PLCB1: variants seen among roughly 807,000 people sequenced by gnomAD.
The protein encoded by PLCB1 is phospholipase C beta 1.
In PLCB1, 46 loss-of-function variants were observed where a neutral mutation model predicts 161.8. The observed-to-expected ratio is 0.28, with a 90% CI of 0.22 to 0.36. The LOEUF (loss-of-function observed/expected upper bound fraction) is 0.36. Ranked by LOEUF, PLCB1 falls within the 10% of genes least tolerant of loss-of-function variation. PLCB1 has a pLI of 1.00. For missense variants in PLCB1, 1,016 were observed against 1,472.5 expected, an observed-to-expected ratio of 0.69 and a Z score of 5.07; for synonymous variants, 517 against 503.7, an observed-to-expected ratio of 1.03 and a Z score of -0.35.
chr20:8,498,271 G>A (rs537542042), intron 3 of PLCB1, among the ~76,000 whole-genome samples: 1 of 152,098 alleles, frequency 6.6e-6, no homozygotes, highest in Admixed American at 6.5e-5. Flanking sequence ...GTAATTTTTT[G>A]TATTTCAGTA....
intron 3 of PLCB1, among the ~76,000 whole-genome samples, chr20:8,481,101 A>G (rs1293868695): frequency 1.3e-5 from 2 of 151,886 alleles, no homozygotes; most frequent in Non-Finnish European, 2.9e-5. Flanking sequence ...GCAAGACTTA[A>G]TCCCCCTACC....
chr20:8,757,833 C>T (rs1226407546), intron 24 of PLCB1, among the ~76,000 whole-genome samples: 1 of 151,334 alleles, frequency 6.6e-6, no homozygotes, highest in Admixed American at 6.6e-5. Context: ...GCCAAAGCCA[C>T]ACTCTTGTCT....
At chr20:8,789,403 G>T (rs1263904825) in intron 29 of PLCB1, 115 bp from the exon 30 acceptor site, 2 of 755,346 alleles carry the variant, frequency 2.6e-6, no homozygotes, top group Non-Finnish European at 4.6e-6. Flanking sequence ...ATAAAAATAA[G>T]GAAAAAAGAA....
intron 3 of PLCB1, among the ~76,000 whole-genome samples, chr20:8,517,913 G>A (rs1014661711): frequency 1.3e-5 from 2 of 152,192 alleles, no homozygotes; most frequent in East Asian, 3.9e-4. Flanking sequence ...GCTAGGCGTG[G>A]TGGCTCACAC....
At chr20:8,619,208 C>A (rs536997319) in intron 3 of PLCB1, among the ~76,000 whole-genome samples, 1 of 152,034 alleles carries the variant, frequency 6.6e-6, no homozygotes. Flanking sequence ...ATCATGAGGT[C>A]AGGAGTTTGA....
At chr20:8,202,924 T>C (rs1978333303) in intron 2 of PLCB1, among the ~76,000 whole-genome samples, 1 of 151,806 alleles carries the variant, frequency 6.6e-6, no homozygotes, top group African/African-American at 2.4e-5. Context: ...TTGAAGAGAG[T>C]TGTATTTCAT....
At chr20:8,770,213 A>G (rs1982603351) in intron 26 of PLCB1, among the ~76,000 whole-genome samples, 1 of 152,156 alleles carries the variant, frequency 6.6e-6, no homozygotes, top group Non-Finnish European at 1.5e-5. Context: ...CGGCCTCCCA[A>G]AGTGCTGGGA....
chr20:8,497,874 A>G (rs905006981), intron 3 of PLCB1, among the ~76,000 whole-genome samples: 1 of 152,192 alleles, frequency 6.6e-6, no homozygotes, highest in Admixed American at 6.5e-5. Context: ...TAGCCTATTA[A>G]TTAGGGAGTG....
At chr20:8,842,738 T>C (rs1220758676) in intron 31 of PLCB1, among the ~76,000 whole-genome samples, 1 of 152,140 alleles carries the variant, frequency 6.6e-6, no homozygotes, top group African/African-American at 2.4e-5. Context: ...GGGGGCTGCA[T>C]GCACCGGTAA....
intron 31 of PLCB1, among the ~76,000 whole-genome samples, chr20:8,880,590 T>G (rs559734004): frequency 6.6e-6 from 1 of 152,318 alleles, no homozygotes; most frequent in East Asian, 1.9e-4. Context: ...TTGTTTACTT[T>G]GTGAAAATGT....
At chr20:8,825,939 C>T (rs959041814) in intron 31 of PLCB1, among the ~76,000 whole-genome samples, 2 of 152,110 alleles carry the variant, frequency 1.3e-5, no homozygotes, top group Admixed American at 6.5e-5. Flanking sequence ...ATTGCCTAGA[C>T]ATGTGGTTTG....
chr20:8,619,275 C>T (rs933302903), intron 3 of PLCB1, among the ~76,000 whole-genome samples: 4 of 151,892 alleles, frequency 2.6e-5, no homozygotes, highest in Admixed American at 6.6e-5. Context: ...AAAAATTAGC[C>T]GGGCGTGGTG....
At chr20:8,743,859 T>C (rs192583721) in intron 23 of PLCB1, among the ~76,000 whole-genome samples, 38 of 152,266 alleles carry the variant, frequency 2.5e-4, no homozygotes, top group African/African-American at 8.9e-4. Context: ...GTTCTATGAG[T>C]TTCTCATTTT....
At chr20:8,317,811 GAGTT>G (rs1446887384) in intron 2 of PLCB1, among the ~76,000 whole-genome samples, 1 of 152,098 alleles carries the variant, frequency 6.6e-6, no homozygotes, top group African/African-American at 2.4e-5. Flanking sequence ...ATAAAGAAAA[GAGTT>G]AGTGTTGACC....
intron 3 of PLCB1, among the ~76,000 whole-genome samples, chr20:8,591,934 T>A (rs988510724): frequency 6.6e-6 from 1 of 152,196 alleles, no homozygotes; most frequent in Non-Finnish European, 1.5e-5. Context: ...GAATTTCAAA[T>A]GTTTTCAGGT....
chr20:8,493,167 C>T (rs1337616709), intron 3 of PLCB1, among the ~76,000 whole-genome samples: 1 of 151,996 alleles, frequency 6.6e-6, no homozygotes, highest in African/African-American at 2.4e-5. Flanking sequence ...AATGCCTATC[C>T]CTGCACCATG....
intron 2 of PLCB1, among the ~76,000 whole-genome samples, chr20:8,168,457 G>T (rs769213129): frequency 9.9e-5 from 15 of 152,100 alleles, no homozygotes; most frequent in Non-Finnish European, 4.4e-5. Flanking sequence ...AGTGAGGTGG[G>T]TGTCTCTCAC....
chr20:8,463,511 T>C (rs1315058334), intron 3 of PLCB1, among the ~76,000 whole-genome samples: 3 of 152,200 alleles, frequency 2.0e-5, no homozygotes, highest in Non-Finnish European at 4.4e-5. Flanking sequence ...TCATATTGCA[T>C]GTATTCTTAT....
intron 9 of PLCB1, among the ~76,000 whole-genome samples, chr20:8,660,378 C>T (rs1366748852): frequency 6.6e-6 from 1 of 152,080 alleles, no homozygotes; most frequent in Non-Finnish European, 1.5e-5. Context: ...CCAAAAATAA[C>T]GAACACATTG....
Sources: gnomAD v4.1 joint callset for allele counts (sites outside exome capture counted in the v4.1 genomes callset) on GRCh38, gnomAD v4.1.1 for gene constraint, MANE v1.5 for transcripts, NCBI Gene and HGNC (gene_info 2026-07-23, HGNC 2026-07-21) for gene names.